SHC3: variants seen among roughly 807,000 people sequenced by gnomAD.
SHC3 encodes SHC adaptor protein 3.
A neutral mutation model predicts 60.4 loss-of-function variants in SHC3; 15 were observed. The observed-to-expected ratio is 0.25, with a 90% CI of 0.17 to 0.38. The LOEUF is 0.38. Among genes scored for constraint, SHC3 ranks in the 10% least tolerant of loss-of-function variants. The pLI is 1.00. For missense variants in SHC3, 677 were observed against 786.1 expected, an observed-to-expected ratio of 0.86 and a Z score of 1.66; for synonymous variants, 294 against 325.9, an observed-to-expected ratio of 0.90 and a Z score of 1.05.
At chr9:89,163,730 A>C (rs1826744881) in intron 1 of SHC3, among the ~76,000 whole-genome samples, 1 of 151,752 alleles carries the variant, frequency 6.6e-6, no homozygotes, top group Non-Finnish European at 1.5e-5. Flanking sequence ...TGTACCCTAA[A>C]ACTTAAAGTA....
In SHC3 at chr9:89,099,906, G is replaced by GA. The variant is rs1055071457; in HGVS notation, c.545+12649dup. Among the ~76,000 whole-genome samples, 3 of 152,240 alleles carry GA rather than the reference G, an allele frequency of 2.0e-5. 1 individual carries two copies. The highest frequency in any genetic ancestry group is 6.8e-3 in the Middle Eastern group (2 of 294). The stretch of plus-strand genomic sequence containing the variant: ...TAATTTGTTGGTGTTTTTGTAATCA[G>GA]AAAAAATGAATACATTTTGATTCAC... On this transcript the variant is annotated intron_variant, in intron 2 of 11. Coordinates refer to ENST00000375835, the MANE Select transcript of SHC3 (RefSeq NM_016848.6).
intron 4 of SHC3, among the ~76,000 whole-genome samples, chr9:89,072,538 T>C (rs747391111): frequency 3.9e-5 from 6 of 152,022 alleles, no homozygotes; most frequent in Non-Finnish European, 8.8e-5. Context: ...GAGCAGACAA[T>C]CCATGTTAAT....
intron 11 of SHC3, among the ~76,000 whole-genome samples, chr9:89,021,281 T>A (rs556030296): frequency 1.3e-5 from 2 of 152,302 alleles, no homozygotes; most frequent in East Asian, 3.9e-4. Context: ...CCAGGCTACC[T>A]TGGGAACTGT....
intron 5 of SHC3, among the ~76,000 whole-genome samples, chr9:89,066,491 A>G (rs183740124): frequency 6.6e-6 from 1 of 152,352 alleles, no homozygotes; most frequent in East Asian, 1.9e-4. Context: ...TGCATAGGGA[A>G]AATGATGACC....
At chr9:89,022,547 T>G (rs546292449) in intron 11 of SHC3, among the ~76,000 whole-genome samples, 1 of 152,242 alleles carries the variant, frequency 6.6e-6, no homozygotes, top group African/African-American at 2.4e-5. Flanking sequence ...CACTTTAATT[T>G]TAGTTGTCCT....
intron 2 of SHC3, among the ~76,000 whole-genome samples, chr9:89,095,705 A>C (rs1825691289): frequency 6.6e-6 from 1 of 152,130 alleles, no homozygotes; most frequent in Non-Finnish European, 1.5e-5. Flanking sequence ...AGCTATGGGC[A>C]CAGTCACAGG....
rs549843688 is a variant in SHC3 at position 89,169,048 on chromosome 9, C to A, written c.474+8939G>T. Among the ~76,000 whole-genome samples the A allele has an allele frequency of 2.0e-5, 3 of 152,306 alleles. No homozygotes were observed. The South Asian group carries it at 6.2e-4, about 32-fold the overall frequency. On this transcript the variant is annotated intron_variant, in intron 1 of 11. Transcript: ENST00000375835. ...CCCACCCTGCAGATCTTGGGACTTGCCTGCCTCCAAAATTATGCAAGCCAA... is the reference window on the plus strand; with the variant it reads ...CCCACCCTGCAGATCTTGGGACTTGACTGCCTCCAAAATTATGCAAGCCAA...
At chr9:89,076,022 C>A (rs1380055313) in intron 3 of SHC3, among the ~76,000 whole-genome samples, 6 of 152,042 alleles carry the variant, frequency 3.9e-5, no homozygotes, top group Non-Finnish European at 8.8e-5. Flanking sequence ...CAGGTGCACA[C>A]CCTTTTTAAT....
chr9:89,109,304 G>A (rs570689800), intron 2 of SHC3: 30 of 779,694 alleles, frequency 3.8e-5, no homozygotes, highest in Admixed American at 1.2e-4. Flanking sequence ...TCCCTCCTCC[G>A]GTCATGGTGC....
chr9:89,152,884 A>G (rs1826563555), intron 1 of SHC3, among the ~76,000 whole-genome samples: 1 of 152,242 alleles, frequency 6.6e-6, no homozygotes, highest in African/African-American at 2.4e-5. Flanking sequence ...TAATAGTGCT[A>G]ATTTGACCAA....
chr9:89,074,642 C>G (rs1252850088), intron 4 of SHC3, among the ~76,000 whole-genome samples: 1 of 149,138 alleles, frequency 6.7e-6, no homozygotes, highest in Admixed American at 6.7e-5. Flanking sequence ...CTTATTACCC[C>G]TACAACACTA....
intron 1 of SHC3, among the ~76,000 whole-genome samples, chr9:89,169,168 AC>A (rs1826833688): frequency 6.6e-6 from 1 of 152,132 alleles, no homozygotes; most frequent in Non-Finnish European, 1.5e-5. Flanking sequence ...TTGGGAGAAC[AC>A]CCATTTCCAG....
chr9:89,143,663 T>C lies in SHC3; in HGVS notation c.475-31037A>G, dbSNP rs552110062. 2.0e-5 allele frequency among the ~76,000 whole-genome samples: 3 copies of C among 152,212 alleles called. No individual in the cohort carries two copies. The East Asian group carries it at 5.8e-4, about 29-fold the overall frequency. On this transcript the variant is annotated intron_variant, in intron 1 of 11. Coordinates refer to ENST00000375835, the MANE Select transcript of SHC3 (RefSeq NM_016848.6). ...TGGGGGTCCAAGTATAACAGAAATTTTTTTTGTGTTCCTGAGTCACAGGAG... is the reference window on the plus strand; with the variant it reads ...TGGGGGTCCAAGTATAACAGAAATTCTTTTTGTGTTCCTGAGTCACAGGAG...
At chr9:89,133,670 C>A (rs555072052) in intron 1 of SHC3, among the ~76,000 whole-genome samples, 1 of 151,974 alleles carries the variant, frequency 6.6e-6, no homozygotes, top group East Asian at 1.9e-4. Context: ...GACAGAAAAC[C>A]AAATACTGCA....
intron 9 of SHC3, 141 bp from the exon 10 acceptor site, chr9:89,042,325 A>G: frequency 1.1e-6 from 1 of 903,088 alleles, no homozygotes; most frequent in Non-Finnish European, 1.6e-6. Flanking sequence ...TCCTCTTCTG[A>G]GCTTGTCACC....
intron 1 of SHC3, among the ~76,000 whole-genome samples, chr9:89,138,964 G>A (rs938243339): frequency 6.6e-6 from 1 of 152,132 alleles, no homozygotes; most frequent in Non-Finnish European, 1.5e-5. Flanking sequence ...CATTGAGTAA[G>A]CTTATCCTGC....
chr9:89,156,278 A>G (rs1227395306), intron 1 of SHC3, among the ~76,000 whole-genome samples: 1 of 152,204 alleles, frequency 6.6e-6, no homozygotes, highest in African/African-American at 2.4e-5. Context: ...ACCACCTGCC[A>G]GTCATAGGAG....
At chr9:89,096,712 G>A (rs757482588) in intron 2 of SHC3, among the ~76,000 whole-genome samples, 10 of 152,144 alleles carry the variant, frequency 6.6e-5, no homozygotes, top group Admixed American at 6.5e-4. Flanking sequence ...AACCCCCAGC[G>A]GACATTTGGC....
chr9:89,046,537 A>C (rs1824778228), intron 8 of SHC3, among the ~76,000 whole-genome samples: 2 of 152,132 alleles, frequency 1.3e-5, no homozygotes, highest in Admixed American at 1.3e-4. Context: ...TTAAAATCTT[A>C]AATTCTCTCT....
Sources: allele counts gnomAD v4.1 joint callset (sites outside exome capture counted in the v4.1 genomes callset), GRCh38; gene constraint gnomAD v4.1.1; transcripts MANE v1.5; gene names NCBI Gene and HGNC (gene_info 2026-07-23, HGNC 2026-07-21).